Variants in ROR1 observed in about 807,000 individuals in gnomAD.
ROR1 encodes ROR family WNT receptor 1.
Under a neutral mutation model 78.8 loss-of-function variants are expected in ROR1, and 19 were observed. The observed-to-expected ratio is 0.24, with a 90% CI of 0.17 to 0.35. ROR1 has a LOEUF of 0.35. Ranked by LOEUF, ROR1 falls within the 10% of genes least tolerant of loss-of-function variation. ROR1 has a pLI of 1.00. For missense variants in ROR1, 917 were observed against 1,177.8 expected (o/e 0.78, Z 3.24); for synonymous variants, 386 against 433.6 (o/e 0.89, Z 1.36).
chr1:63,956,681 C>T (rs1371784933), intron 1 of ROR1, among the ~76,000 whole-genome samples: 3 of 152,174 alleles, frequency 2.0e-5, no homozygotes, highest in African/African-American at 4.8e-5. Flanking sequence ...GTGGAACCAA[C>T]TCTGTTGAGA....
chr1:63,951,710 C>T (rs534612808), intron 1 of ROR1, among the ~76,000 whole-genome samples: 1 of 151,952 alleles, frequency 6.6e-6, no homozygotes. Flanking sequence ...TTAAAGACAC[C>T]CCCCCCTCAC....
chr1:64,097,527 T>C (rs868412587), intron 4 of ROR1, among the ~76,000 whole-genome samples: 4 of 151,630 alleles, frequency 2.6e-5, no homozygotes, highest in Middle Eastern at 3.4e-3. Flanking sequence ...CAGACAAGAT[T>C]GTATTTATGC....
intron 4 of ROR1, among the ~76,000 whole-genome samples, chr1:64,096,294 A>G (rs890918817): frequency 6.6e-6 from 1 of 151,936 alleles, no homozygotes; most frequent in Non-Finnish European, 1.5e-5. Flanking sequence ...ACATAGGTAA[A>G]TGTGTGTCAT....
intron 1 of ROR1, among the ~76,000 whole-genome samples, chr1:63,968,034 G>A (rs561631644): frequency 6.6e-6 from 1 of 152,244 alleles, no homozygotes; most frequent in Admixed American, 6.5e-5. Context: ...AACTGGTGGG[G>A]TTGTCTGTGT....
At position 64,008,966 on chromosome 1, in the gene ROR1, G is replaced by A. The variant is rs975292015; in HGVS notation, c.92-339G>A. On this transcript the variant is annotated intron_variant, in intron 1 of 8. Transcript: ENST00000371079. ...TAATGATAGCCATTCTGACTAGTAT[G>A]AGATGGCATCTCATTGTGGTTTTGA... Among the ~76,000 whole-genome samples the A allele has an allele frequency of 1.8e-4, 27 of 152,292 alleles. 1 individual carries two copies. Among genetic ancestry groups the A allele is most frequent in the Admixed American group, 1.0e-3 (16 of 15,290 alleles).
At chr1:63,941,983 G>A (rs1026778407) in intron 1 of ROR1, among the ~76,000 whole-genome samples, 9 of 152,138 alleles carry the variant, frequency 5.9e-5, no homozygotes, top group South Asian at 2.1e-4. Flanking sequence ...GGAGGAAACC[G>A]TGGCAAGAAG....
intron 1 of ROR1, among the ~76,000 whole-genome samples, chr1:63,898,838 C>T (rs936566985): frequency 3.3e-5 from 5 of 152,076 alleles, no homozygotes; most frequent in Admixed American, 2.6e-4. Context: ...AGACCTTGCT[C>T]TTTGGCTTCT....
At chr1:64,034,183 A>ATTTTTT (rs35110436) in intron 2 of ROR1, among the ~76,000 whole-genome samples, 6 of 144,078 alleles carry the variant, frequency 4.2e-5, no homozygotes, top group African/African-American at 5.2e-5. Context: ...TTGCTTTTTC[A>ATTTTTT]TTTTTTTTTT....
At chr1:64,163,241 A>T (rs1649995851) in intron 8 of ROR1, among the ~76,000 whole-genome samples, 1 of 145,818 alleles carries the variant, frequency 6.9e-6, no homozygotes, top group African/African-American at 2.7e-5. Flanking sequence ...ACACACACAC[A>T]CACACACACA....
chr1:64,104,284 G>C (rs1647696086), intron 4 of ROR1, among the ~76,000 whole-genome samples: 2 of 152,070 alleles, frequency 1.3e-5, no homozygotes, highest in South Asian at 4.2e-4. Flanking sequence ...GTGGGCAGCT[G>C]TCTCTACCAC....
rs201506341 is a variant in ROR1, at chr1:64,159,085, G to A, written c.1279G>A (p.Val427Ile). Residue 427 changes from valine to isoleucine, a missense_variant, in exon 8 of 9, where the codon GTC (valine) becomes ATC (isoleucine). Physicochemically the swap from Val to Ile is conservative, Grantham distance 29 (BLOSUM62 3). Transcript: ENST00000371079. ...AIALLFFFIC[V>I]CRNNQKSSSA... ...TGCTTTACTCTTCTTCTTCATTTGC[G>A]TCTGTCGGAATAACCAGAAGTCATC... The A allele has an allele frequency of 8.4e-5, 135 of 1,614,092 alleles. 1 individual carries two copies. The East Asian group carries it at 2.2e-3, about 27-fold the overall frequency.
intron 2 of ROR1, among the ~76,000 whole-genome samples, chr1:64,028,541 A>G (rs1054210436): frequency 5.9e-5 from 9 of 152,196 alleles, no homozygotes; most frequent in African/African-American, 2.2e-4. Context: ...TTCTGAAAGC[A>G]GTGTTTTCTC....
intron 4 of ROR1, among the ~76,000 whole-genome samples, chr1:64,115,938 A>G (rs1331158683): frequency 2.6e-5 from 4 of 152,202 alleles, no homozygotes; most frequent in African/African-American, 7.2e-5. Context: ...TAAATGGTCA[A>G]CATGATTATG....
intron 4 of ROR1, among the ~76,000 whole-genome samples, chr1:64,072,168 A>T (rs1647009269): frequency 6.6e-6 from 1 of 152,250 alleles, no homozygotes. Flanking sequence ...GATAGGAATA[A>T]CAATAGCATC....
chr1:64,009,362 G>A lies in ROR1; in HGVS notation c.149G>A (p.Ser50Asn), dbSNP rs1646457211. ...CCTACCTCATCATGGAACATCTCAA[G>A]TGAACTCAACAAAGGTACACAGTGG... Reference protein sequence around the residue: ...LVPTSSWNISSELNKDSYLTL... With the variant: ...LVPTSSWNISNELNKDSYLTL... Residue 50 changes from serine to asparagine, a missense_variant, in exon 2 of 9, where the codon AGT becomes AAT. Coordinates refer to ENST00000371079, the MANE Select transcript of ROR1 (RefSeq NM_005012.4). 2 of 1,613,392 alleles carry A rather than the reference G, an allele frequency of 1.2e-6. No individual in the cohort carries two copies. Among genetic ancestry groups the A allele is most frequent in the Non-Finnish European group, 1.7e-6 (2 of 1,179,502 alleles).
intron 4 of ROR1, among the ~76,000 whole-genome samples, chr1:64,051,367 G>A (rs551369832): frequency 1.3e-5 from 2 of 151,686 alleles, no homozygotes; most frequent in African/African-American, 2.4e-5. Context: ...GGAGAATGGC[G>A]TGAACCCGGG....
At chr1:64,141,353 A>AAG (rs5774683) in intron 6 of ROR1, among the ~76,000 whole-genome samples, 47,644 of 151,768 alleles carry the variant, frequency 0.31, 9,548 homozygotes, top group African/African-American at 0.54. Context: ...TGGCAGGAGC[A>AAG]AGAGAGTGAG....
intron 1 of ROR1, among the ~76,000 whole-genome samples, chr1:63,948,600 G>A (rs1645909412): frequency 6.6e-6 from 1 of 152,144 alleles, no homozygotes; most frequent in Admixed American, 6.5e-5. Flanking sequence ...ACATAATGCT[G>A]ACTGAATGTT....
chr1:63,837,647 G>A (rs1009767093), intron 1 of ROR1, among the ~76,000 whole-genome samples: 7 of 152,106 alleles, frequency 4.6e-5, no homozygotes, highest in Non-Finnish European at 7.3e-5. Flanking sequence ...ATAGTGAGAC[G>A]TTGTTTCTAC....
Sources: gnomAD v4.1 joint callset for allele counts (sites outside exome capture counted in the v4.1 genomes callset) on GRCh38, gnomAD v4.1.1 for gene constraint, MANE v1.5 for transcripts, NCBI Gene and HGNC (gene_info 2026-07-23, HGNC 2026-07-21) for gene names.